Variants in PIEZO2 observed in about 807,000 individuals in gnomAD.
PIEZO2 encodes piezo-type mechanosensitive ion channel component 2.
A neutral mutation model predicts 337.3 loss-of-function variants in PIEZO2; 172 were observed. The observed-to-expected ratio is 0.51, with a 90% confidence interval of 0.45 to 0.58. The LOEUF is 0.58. PIEZO2 is among the 20% of genes least tolerant of loss of function. The pLI, the probability that PIEZO2 is intolerant of heterozygous loss-of-function variation, is 0.00. For missense variants in PIEZO2, 3,028 were observed against 3,391.3 expected (o/e 0.89, Z 2.66); for synonymous variants, 1,251 against 1,228.5 (o/e 1.02, Z -0.38).
chr18:10,695,564 C>T (rs775899485), intron 47 of PIEZO2, among the ~76,000 whole-genome samples: 5 of 152,146 alleles, frequency 3.3e-5, no homozygotes, highest in African/African-American at 4.8e-5. Flanking sequence ...TTTCAAACCT[C>T]GCTGCAGTTA....
At position 10,847,379 on chromosome 18, in the gene PIEZO2, G is replaced by A. The variant is rs951285823; in HGVS notation, c.917+7974C>T. Reference sequence around the variant, plus strand: ...AAAGGAAGACCGTGGAGATGCCCTTGGTGGGCAAAAGGAGAGAAATCTGGC... The same window carrying A: ...AAAGGAAGACCGTGGAGATGCCCTTAGTGGGCAAAAGGAGAGAAATCTGGC... On this transcript the variant is annotated intron_variant, in intron 7 of 55. Transcript: ENST00000674853. The surrounding 1 kb of genome is among the most constrained non-coding windows in gnomAD (Gnocchi z 5.7). Among the ~76,000 whole-genome samples, 1 of 152,202 alleles carries A rather than the reference G, an allele frequency of 6.6e-6. No individual in the cohort carries two copies. Among genetic ancestry groups the A allele is most frequent in the Non-Finnish European group, 1.5e-5 (1 of 68,032 alleles).
At chr18:11,068,391 C>G (rs1410291557) in intron 1 of PIEZO2, among the ~76,000 whole-genome samples, 1 of 151,934 alleles carries the variant, frequency 6.6e-6, no homozygotes, top group African/African-American at 2.4e-5. Flanking sequence ...AGAAAATTTG[C>G]AAATACACGG....
intron 4 of PIEZO2, among the ~76,000 whole-genome samples, chr18:10,909,310 T>C (rs2145060135): frequency 6.6e-6 from 1 of 152,038 alleles, no homozygotes; most frequent in East Asian, 1.9e-4. Flanking sequence ...CAGAAGTCAA[T>C]GATGTGAAGA....
In PIEZO2 at chr18:10,903,786, T is replaced by C. The variant is rs1026421488; in HGVS notation, c.329+7400A>G. On this transcript the variant is annotated intron_variant, in intron 4 of 55. Coordinates refer to ENST00000674853, the MANE Select transcript of PIEZO2 (RefSeq NM_001378183.1). The surrounding 1 kb of genome is among the most constrained non-coding windows in gnomAD (Gnocchi z 4.1). ...CAAGTGTGGCTTCACACTTTATCCCTAACAGTTCAGATGGATGAATGCCAA... is the reference window on the plus strand; with the variant it reads ...CAAGTGTGGCTTCACACTTTATCCCCAACAGTTCAGATGGATGAATGCCAA... 2.0e-4 allele frequency among the ~76,000 whole-genome samples: 31 copies of C among 152,312 alleles called. No homozygotes were observed. The highest frequency in any genetic ancestry group is 5.8e-4 in the African/African-American group (24 of 41,566).
Position 10,821,109 on chromosome 18 carries a change from C to T in PIEZO2, c.918-13835G>A, listed in dbSNP as rs899186790. On this transcript the variant is annotated intron_variant, in intron 7 of 55. Coordinates refer to ENST00000674853, the MANE Select transcript of PIEZO2 (RefSeq NM_001378183.1). This position sits in a 1 kb window ranked among gnomAD's most constrained non-coding sequence, Gnocchi z 4.2. ...TTCTCTGTCTTTCTCCTCTCCATTA[C>T]TCTGTGCCACAAATATCAGCCTTCT... Among the ~76,000 whole-genome samples the T allele has an allele frequency of 6.6e-6, 1 of 152,166 alleles. No individual in the cohort carries two copies. Among genetic ancestry groups the T allele is most frequent in the African/African-American group, 2.4e-5 (1 of 41,442 alleles).
In PIEZO2 at chr18:10,696,279, C is replaced by T. The variant is rs1372236140; in HGVS notation, c.6985G>A (p.Ala2329Thr). 1.2e-6 allele frequency: 2 copies of T among 1,614,038 alleles called. No homozygotes were observed. Among genetic ancestry groups the T allele is most frequent in the African/African-American group, 2.7e-5 (2 of 74,916 alleles). Reference sequence around the variant, plus strand: ...AGTGAAGAGGTGATGTCTGCAGCTGCTGAGTGTTTCTGGGGAAGAGACAAC... The same window carrying T: ...AGTGAAGAGGTGATGTCTGCAGCTGTTGAGTGTTTCTGGGGAAGAGACAAC... ...FGFWAFGKHS[A>T]AADITSSLSE... Residue 2329 changes from alanine (A) to threonine (T), a missense_variant, in exon 47 of 56, where the codon GCA becomes ACA. This residue lies in a region of PIEZO2 where 1,925 missense variants were observed against 2,051.9 expected (regional missense o/e 0.94). Coordinates refer to ENST00000674853, the MANE Select transcript of PIEZO2 (RefSeq NM_001378183.1).
chr18:10,716,263 T>C lies in PIEZO2; in HGVS notation c.5090-447A>G, dbSNP rs1336213584. Among the ~76,000 whole-genome samples, 1 of 152,150 alleles carries C rather than the reference T, an allele frequency of 6.6e-6. No individual in the cohort carries two copies. Among genetic ancestry groups the C allele is most frequent in the African/African-American group, 2.4e-5 (1 of 41,412 alleles). ...AACCAACCCCTCTTCTTCCTCCTCC[T>C]CCTCAACCCACTCAAGGGAAGGACG... On this transcript the variant is annotated intron_variant, in intron 37 of 55. Transcript: ENST00000674853. This position sits in a 1 kb window ranked among gnomAD's most constrained non-coding sequence, Gnocchi z 4.1.
At position 10,863,873 on chromosome 18, in the gene PIEZO2, C is replaced by T. The variant is rs1329486527; in HGVS notation, c.493-6662G>A. 6.6e-6 allele frequency among the ~76,000 whole-genome samples: 1 copy of T among 151,840 alleles called. No homozygotes were observed. The highest frequency in any genetic ancestry group is 1.5e-5 in the Non-Finnish European group (1 of 67,974). ...CACAATCAAAACAAATCAGCAGTCA[C>T]ACACACACACACCTATATCATCCAC... On this transcript the variant is annotated intron_variant, in intron 5 of 55. Coordinates refer to ENST00000674853, the MANE Select transcript of PIEZO2 (RefSeq NM_001378183.1). This position sits in a 1 kb window ranked among gnomAD's most constrained non-coding sequence, Gnocchi z 4.3.
At chr18:11,040,639 C>T (rs2037088448) in intron 2 of PIEZO2, among the ~76,000 whole-genome samples, 1 of 152,130 alleles carries the variant, frequency 6.6e-6, no homozygotes, top group African/African-American at 2.4e-5. Flanking sequence ...ATATTAGGTG[C>T]ATTTGTACCC....
chr18:10,983,507 G>A (rs904519284), intron 2 of PIEZO2, among the ~76,000 whole-genome samples: 2 of 152,106 alleles, frequency 1.3e-5, no homozygotes, highest in African/African-American at 4.8e-5. Context: ...TAGCTGGGAG[G>A]TCCTTTCTGT....
chr18:10,870,597 C>T lies in PIEZO2; in HGVS notation c.492+656G>A, dbSNP rs945063399. Among the ~76,000 whole-genome samples, 2 of 152,166 alleles carry T rather than the reference C, an allele frequency of 1.3e-5. No homozygotes were observed. The highest frequency in any genetic ancestry group is 4.8e-5 in the African/African-American group (2 of 41,432). ...GCTGGTCAGGGGGCAGCGTGAGAGC[C>T]GTCTGACAGCTCTGATACCCAAGGA... On this transcript the variant is annotated intron_variant, in intron 5 of 55. Coordinates refer to ENST00000674853, the MANE Select transcript of PIEZO2 (RefSeq NM_001378183.1). The surrounding 1 kb of genome is among the most constrained non-coding windows in gnomAD (Gnocchi z 5.3).
intron 1 of PIEZO2, among the ~76,000 whole-genome samples, chr18:11,081,407 T>C (rs1345163107): frequency 1.3e-5 from 2 of 152,212 alleles, no homozygotes; most frequent in Admixed American, 6.5e-5. Context: ...ATCAAAATTG[T>C]AATCCCAGTC....
intron 1 of PIEZO2, among the ~76,000 whole-genome samples, chr18:11,067,139 T>C (rs1443464061): frequency 6.6e-6 from 1 of 151,424 alleles, no homozygotes; most frequent in East Asian, 1.9e-4. Flanking sequence ...AATCAGAAAA[T>C]AACAAACAAA....
At chr18:11,119,235 C>T (rs1300757444) in intron 1 of PIEZO2, among the ~76,000 whole-genome samples, 1 of 151,668 alleles carries the variant, frequency 6.6e-6, no homozygotes, top group Non-Finnish European at 1.5e-5. Context: ...GCAACCTCCG[C>T]CTCCTGGGTT....
At chr18:10,907,031 T>C (rs577058906) in intron 4 of PIEZO2, among the ~76,000 whole-genome samples, 4 of 152,330 alleles carry the variant, frequency 2.6e-5, no homozygotes, top group Non-Finnish European at 2.9e-5. Flanking sequence ...TGAAATTTTA[T>C]AATTTCAGAA....
At chr18:11,022,844 T>TA (rs2036364393) in intron 2 of PIEZO2, among the ~76,000 whole-genome samples, 3 of 152,296 alleles carry the variant, frequency 2.0e-5, no homozygotes, top group South Asian at 2.1e-4. Flanking sequence ...AGGTGAGTGT[T>TA]ACAGTTCTTA....
In PIEZO2 at chr18:11,099,711, G is replaced by A. The variant is rs529467047; in HGVS notation, c.65-33489C>T. 1.3e-5 allele frequency among the ~76,000 whole-genome samples: 2 copies of A among 152,138 alleles called. No individual in the cohort carries two copies. Among genetic ancestry groups the A allele is most frequent in the South Asian group, 2.1e-4 (1 of 4,800 alleles). On this transcript the variant is annotated intron_variant, in intron 1 of 55. Coordinates refer to ENST00000674853, the MANE Select transcript of PIEZO2 (RefSeq NM_001378183.1). The surrounding 1 kb of genome is among the most constrained non-coding windows in gnomAD (Gnocchi z 5.4). The stretch of plus-strand genomic sequence containing the variant: ...TGACCTCAGGTGATCTGCCCACCTC[G>A]GCCTCCCAAAGTACTGGGATTACAG...
At chr18:10,694,648 T>A (rs2035003722) in intron 47 of PIEZO2, among the ~76,000 whole-genome samples, 1 of 152,042 alleles carries the variant, frequency 6.6e-6, no homozygotes, top group Non-Finnish European at 1.5e-5. Flanking sequence ...CTGGGTAACA[T>A]AATGAGACCT....
Position 10,821,985 on chromosome 18 carries a change from A to T in PIEZO2, c.918-14711T>A, listed in dbSNP as rs2040533729. Among the ~76,000 whole-genome samples, 1 of 152,230 alleles carries T rather than the reference A, an allele frequency of 6.6e-6. No homozygotes were observed. The highest frequency in any genetic ancestry group is 2.4e-5 in the African/African-American group (1 of 41,456). On this transcript the variant is annotated intron_variant, in intron 7 of 55. Coordinates refer to ENST00000674853, the MANE Select transcript of PIEZO2 (RefSeq NM_001378183.1). The surrounding 1 kb of genome is among the most constrained non-coding windows in gnomAD (Gnocchi z 4.2). ...TTGTAATGAAAATAGATTTTCTAAC[A>T]AGTTTCTTACCTTCTAAAATGTGTT...
Sources: allele counts gnomAD v4.1 joint callset (sites outside exome capture counted in the v4.1 genomes callset), GRCh38; gene constraint gnomAD v4.1.1; regional missense constraint gnomAD v4.1.1; non-coding constraint Gnocchi (gnomAD v3.1); transcripts MANE v1.5; gene names NCBI Gene and HGNC (gene_info 2026-07-23, HGNC 2026-07-21).